The following C3orf20 variants were observed in gnomAD, a reference collection of about 807,000 sequenced individuals.
The protein encoded by C3orf20 is family with sequence similarity 149 member C.
A neutral mutation model predicts 88.3 loss-of-function variants in C3orf20; 76 were observed. The observed-to-expected ratio is 0.86, with a 90% CI of 0.72 to 1.04. The LOEUF is 1.04. C3orf20 is among the 50% of genes least tolerant of loss of function. C3orf20 has a pLI of 0.00. For synonymous variants in C3orf20, 436 were observed against 437.4 expected (o/e 1.00, Z 0.04); for missense variants, 1,056 against 1,123.3 (o/e 0.94, Z 0.86).
At chr3:14,737,400 T>A (rs912646989) in intron 12 of C3orf20, among the ~76,000 whole-genome samples, 1 of 152,176 alleles carries the variant, frequency 6.6e-6, no homozygotes, top group African/African-American at 2.4e-5. Context: ...TAAAGCAAAT[T>A]GCAATAAAGC....
chr3:14,713,966 AG>A, intron 7 of C3orf20, 40 bp from the exon 8 acceptor site: 1 of 1,611,294 alleles, frequency 6.2e-7, no homozygotes, highest in Non-Finnish European at 8.5e-7. Flanking sequence ...GAGCAGAACC[AG>A]GGGAGTTTTC....
chr3:14,742,719 T>G (rs1376450739), intron 12 of C3orf20, among the ~76,000 whole-genome samples: 2 of 152,182 alleles, frequency 1.3e-5, no homozygotes, highest in Non-Finnish European at 2.9e-5. Context: ...AAGGTTTAAT[T>G]GGACTTACAG....
chr3:14,700,263 G>A (rs9855897), intron 5 of C3orf20, among the ~76,000 whole-genome samples: 96,569 of 151,864 alleles, frequency 0.64, 30,821 homozygotes, highest in East Asian at 0.68. Context: ...TTTTGTGTAG[G>A]TAGTTGTTAA....
chr3:14,726,824 G>A (rs2034366123), intron 10 of C3orf20, 77 bp from the exon 11 acceptor site: 1 of 1,599,344 alleles, frequency 6.3e-7, no homozygotes, highest in East Asian at 2.2e-5. Context: ...ACCGGAGCAA[G>A]TCTTAGTTAT....
chr3:14,760,859 T>G (rs1188883056), intron 14 of C3orf20, among the ~76,000 whole-genome samples: 2 of 152,160 alleles, frequency 1.3e-5, no homozygotes, highest in African/African-American at 4.8e-5. Context: ...CCGCCCACCT[T>G]GACCTCCCAA....
At chr3:14,708,176 A>G (rs1473357222) in intron 7 of C3orf20, among the ~76,000 whole-genome samples, 1 of 152,122 alleles carries the variant, frequency 6.6e-6, no homozygotes, top group East Asian at 1.9e-4. Flanking sequence ...TCTTTGAAGC[A>G]TTTTGAGTTA....
At chr3:14,700,636 T>C (rs1454439910) in intron 5 of C3orf20, among the ~76,000 whole-genome samples, 1 of 152,228 alleles carries the variant, frequency 6.6e-6, no homozygotes, top group Admixed American at 6.5e-5. Flanking sequence ...CTGGGAAGTA[T>C]ATTCAGTGAT....
At chr3:14,683,972 C>A (rs1301201155) in intron 3 of C3orf20, among the ~76,000 whole-genome samples, 1 of 152,026 alleles carries the variant, frequency 6.6e-6, no homozygotes, top group Non-Finnish European at 1.5e-5. Context: ...GTGATGGAGC[C>A]TTCTGGATGC....
At chr3:14,694,566 G>T (rs1200904708) in intron 5 of C3orf20, among the ~76,000 whole-genome samples, 1 of 151,652 alleles carries the variant, frequency 6.6e-6, no homozygotes, top group Non-Finnish European at 1.5e-5. Flanking sequence ...TATTTAATTG[G>T]GTCTTCTCTC....
chr3:14,757,655 G>A lies in C3orf20; in HGVS notation c.2225G>A (p.Arg742His), dbSNP rs777861942. Reference sequence around the variant, plus strand: ...CTCTACAACCACCAGCAGCGGGGCCGTGGCTCCCCCTGCATCCAGGTTGGT... The same window carrying A: ...CTCTACAACCACCAGCAGCGGGGCCATGGCTCCCCCTGCATCCAGGTTGGT... ...NTLYNHQQRGRGSPCIQCRYD... is the reference protein window; with the variant it reads ...NTLYNHQQRGHGSPCIQCRYD... The change falls in exon 13 of 17, where the codon CGT (arginine) becomes CAT (histidine). Residue 742 changes from arginine to histidine, a missense_variant. Transcript: ENST00000253697. The A allele has an allele frequency of 1.2e-5, 19 of 1,609,894 alleles. No homozygotes were observed. The highest frequency in any genetic ancestry group is 5.3e-5 in the African/African-American group (4 of 74,880).
intron 4 of C3orf20, among the ~76,000 whole-genome samples, chr3:14,686,487 C>T (rs2032439091): frequency 6.6e-6 from 1 of 152,202 alleles, no homozygotes; most frequent in South Asian, 2.1e-4. Flanking sequence ...CACACTGTTG[C>T]CAGCACTTGT....
chr3:14,687,985 T>C (rs1575092226), intron 4 of C3orf20, among the ~76,000 whole-genome samples: 1 of 152,216 alleles, frequency 6.6e-6, no homozygotes, highest in East Asian at 1.9e-4. Flanking sequence ...GTGCAGACGC[T>C]CCTCTCTTTA....
At chr3:14,720,711 C>A (rs149422299) in intron 9 of C3orf20, among the ~76,000 whole-genome samples, 1 of 152,172 alleles carries the variant, frequency 6.6e-6, no homozygotes, top group Non-Finnish European at 1.5e-5. Context: ...AGGGTCCCTG[C>A]GTATAAATTG....
Position 14,683,104 on chromosome 3 carries a change from C to A in C3orf20, c.391C>A (p.Gln131Lys), listed in dbSNP as rs1253221620. The change falls in exon 3 of 17, where the codon CAG (glutamine) becomes AAG (lysine). Residue 131 changes from glutamine (Q) to lysine (K), a missense_variant. Transcript: ENST00000253697. ...CATGGCCCGTCAGGTGCGCACCCAC[C>A]AGGAGACCCTGAACAGGTTTCAGCA... is the stretch of plus-strand genomic sequence containing the variant. ...PTMARQVRTH[Q>K]ETLNRFQQQS... 6.2e-7 allele frequency: 1 copy of A among 1,614,086 alleles called. No homozygotes were observed. Among genetic ancestry groups the A allele is most frequent in the Admixed American group, 1.7e-5 (1 of 60,008 alleles).
intron 12 of C3orf20, among the ~76,000 whole-genome samples, chr3:14,741,974 C>T (rs571657313): frequency 3.1e-4 from 47 of 152,270 alleles, no homozygotes; most frequent in Admixed American, 7.8e-4. Flanking sequence ...TGACATGGCT[C>T]GCTGGTGGGC....
intron 1 of C3orf20, among the ~76,000 whole-genome samples, chr3:14,680,144 C>T (rs1333944578): frequency 6.6e-6 from 1 of 152,216 alleles, no homozygotes; most frequent in African/African-American, 2.4e-5. Flanking sequence ...AGCAATCCCA[C>T]TTCTAGGTAT....
chr3:14,742,058 T>C (rs2034916061), intron 12 of C3orf20, among the ~76,000 whole-genome samples: 2 of 152,246 alleles, frequency 1.3e-5, no homozygotes, highest in Admixed American at 6.5e-5. Context: ...GTCTGACTTA[T>C]GCCTCCTACC....
chr3:14,735,132 T>A (rs565613281), intron 12 of C3orf20, among the ~76,000 whole-genome samples: 1 of 151,932 alleles, frequency 6.6e-6, no homozygotes, highest in East Asian at 1.9e-4. Flanking sequence ...TTAATTAAAT[T>A]CAGTCTTTCA....
chr3:14,772,324 A>G lies in C3orf20; in HGVS notation c.2630+123A>G. On this transcript the variant is annotated intron_variant, in intron 16 of 16. Coordinates refer to ENST00000253697, the MANE Select transcript of C3orf20 (RefSeq NM_032137.5). This position sits in a 1 kb window ranked among gnomAD's most constrained non-coding sequence, Gnocchi z 4.2. The stretch of plus-strand genomic sequence containing the variant: ...TGGGTCATGTCCAACCATCGCTGAC[A>G]TCTAGCCCATGTAATCAACACAATA... 3 of 1,165,624 alleles carry G rather than the reference A, an allele frequency of 2.6e-6. No individual in the cohort carries two copies. Among genetic ancestry groups the G allele is most frequent in the Non-Finnish European group, 3.7e-6 (3 of 810,956 alleles). The allele number at this position is 1,165,624 out of a possible 1,614,324, so 72.2% of individuals were successfully genotyped here.
Sources: gnomAD v4.1 joint callset for allele counts (sites outside exome capture counted in the v4.1 genomes callset) on GRCh38, gnomAD v4.1.1 for gene constraint, Gnocchi (gnomAD v3.1) non-coding constraint, MANE v1.5 for transcripts, NCBI Gene and HGNC (gene_info 2026-07-23, HGNC 2026-07-21) for gene names.